NIBAN1: variants seen among roughly 807,000 people sequenced by gnomAD.
The protein encoded by NIBAN1 is protein Niban 1.
NIBAN1 carries 81 observed loss-of-function variants against 75.1 expected under a neutral mutation model. The ratio of observed to expected loss-of-function variants is 1.08; its 90% CI spans 0.90 to 1.30. NIBAN1 has a LOEUF of 1.30. Among genes scored for constraint, NIBAN1 ranks in the 50% most tolerant of loss-of-function variants. The pLI is 0.00. For synonymous variants in NIBAN1, 436 were observed against 424.8 expected (o/e 1.03, Z -0.32); for missense variants, 1,133 against 1,128.1 (o/e 1.00, Z -0.06).
At chr1:184,823,825 G>A (rs1654772514) in intron 6 of NIBAN1, 83 bp from the exon 7 acceptor site, 1 of 1,148,780 alleles carries the variant, frequency 8.7e-7, no homozygotes, top group South Asian at 1.3e-5. Context: ...TGTCCTGATT[G>A]GCTGTCCCTG....
intron 1 of NIBAN1, among the ~76,000 whole-genome samples, chr1:184,960,810 A>C (rs1489954994): frequency 7.9e-5 from 12 of 151,996 alleles, no homozygotes; most frequent in Non-Finnish European, 1.5e-4. Flanking sequence ...TTGTATTTTT[A>C]GTAGAGACAG....
intron 9 of NIBAN1, among the ~76,000 whole-genome samples, chr1:184,809,511 GA>G (rs772699711): frequency 1.8e-4 from 28 of 151,890 alleles, no homozygotes; most frequent in Admixed American, 1.8e-3. Flanking sequence ...AAATGCAATG[GA>G]AACATTTTTT....
At chr1:184,912,130 C>T (rs1657257797) in intron 1 of NIBAN1, among the ~76,000 whole-genome samples, 1 of 152,058 alleles carries the variant, frequency 6.6e-6, no homozygotes, top group South Asian at 2.1e-4. Context: ...TTTTCACTCA[C>T]ATTATGATAT....
At chr1:184,903,544 AG>A (rs1657008051) in intron 1 of NIBAN1, among the ~76,000 whole-genome samples, 1 of 151,872 alleles carries the variant, frequency 6.6e-6, no homozygotes, top group African/African-American at 2.4e-5. Flanking sequence ...AGTTCACATG[AG>A]AGCTGGTTGT....
intron 1 of NIBAN1, among the ~76,000 whole-genome samples, chr1:184,949,171 G>A (rs1410302866): frequency 6.6e-6 from 1 of 151,998 alleles, no homozygotes; most frequent in Non-Finnish European, 1.5e-5. Context: ...GGCTAACACG[G>A]TGAAACCCCA....
intron 1 of NIBAN1, among the ~76,000 whole-genome samples, chr1:184,966,796 C>A (rs966736988): frequency 1.3e-4 from 20 of 152,174 alleles, no homozygotes; most frequent in South Asian, 1.2e-3. Flanking sequence ...AGAAAAAAAA[C>A]CACATGGTTT....
intron 1 of NIBAN1, among the ~76,000 whole-genome samples, chr1:184,903,004 C>G (rs903890229): frequency 1.3e-5 from 2 of 152,230 alleles, no homozygotes; most frequent in African/African-American, 2.4e-5. Context: ...GATCAGCCCA[C>G]AGGGGCCACA....
chr1:184,803,478 A>G, intron 12 of NIBAN1, 107 bp downstream of exon 12: 1 of 805,358 alleles, frequency 1.2e-6, no homozygotes. Flanking sequence ...ATGTCTGCCA[A>G]TCCCTCCCTG....
At chr1:184,952,545 C>T (rs1658385044) in intron 1 of NIBAN1, among the ~76,000 whole-genome samples, 1 of 152,148 alleles carries the variant, frequency 6.6e-6, no homozygotes, top group South Asian at 2.1e-4. Flanking sequence ...AATATGCTAA[C>T]ACTAAGGATA....
At chr1:184,809,187 G>A (rs1330658265) in intron 9 of NIBAN1, among the ~76,000 whole-genome samples, 2 of 152,250 alleles carry the variant, frequency 1.3e-5, no homozygotes, top group East Asian at 3.9e-4. Flanking sequence ...AATTTTAAGA[G>A]GGCCCACTCT....
chr1:184,938,328 G>A (rs1394280344), intron 1 of NIBAN1, among the ~76,000 whole-genome samples: 1 of 152,038 alleles, frequency 6.6e-6, no homozygotes, highest in Non-Finnish European at 1.5e-5. Context: ...TTTAGTGGGG[G>A]GTTGTTTGTG....
intron 1 of NIBAN1, among the ~76,000 whole-genome samples, chr1:184,968,461 G>A (rs1571613629): frequency 1.3e-5 from 2 of 152,158 alleles, no homozygotes; most frequent in East Asian, 3.9e-4. Flanking sequence ...AAAATATAAA[G>A]TGATCAATAT....
chr1:184,917,158 G>A (rs922918684), intron 1 of NIBAN1, among the ~76,000 whole-genome samples: 38 of 151,350 alleles, frequency 2.5e-4, no homozygotes, highest in Non-Finnish European at 4.6e-4. Flanking sequence ...TGGACTCATT[G>A]CTGTTCAGCA....
chr1:184,916,406 A>G (rs1220153271), intron 1 of NIBAN1, among the ~76,000 whole-genome samples: 1 of 152,204 alleles, frequency 6.6e-6, no homozygotes, highest in East Asian at 1.9e-4. Context: ...TTTAATTGTA[A>G]CAGGTACATG....
intron 9 of NIBAN1, among the ~76,000 whole-genome samples, chr1:184,810,018 GC>G (rs944218994): frequency 1.3e-5 from 2 of 152,112 alleles, no homozygotes; most frequent in African/African-American, 4.8e-5. Context: ...AACACGAGTT[GC>G]TTGAGGGGAG....
intron 1 of NIBAN1, among the ~76,000 whole-genome samples, chr1:184,960,772 G>A (rs142828661): frequency 3.5e-4 from 54 of 152,248 alleles, no homozygotes; most frequent in Non-Finnish European, 7.4e-4. Context: ...GGGACTATAG[G>A]CACGTGTGCC....
At chr1:184,842,919 A>G (rs1456484519) in intron 5 of NIBAN1, among the ~76,000 whole-genome samples, 1 of 152,046 alleles carries the variant, frequency 6.6e-6, no homozygotes, top group African/African-American at 2.4e-5. Flanking sequence ...AAAAAATGAC[A>G]CAAAAGCAAA....
intron 5 of NIBAN1, among the ~76,000 whole-genome samples, chr1:184,838,384 C>T (rs1655195164): frequency 6.6e-6 from 1 of 152,100 alleles, no homozygotes; most frequent in East Asian, 1.9e-4. Context: ...CTCAACGATA[C>T]AAAAACATTC....
In NIBAN1 at chr1:184,834,072, T is replaced by C. The variant is rs541559846; in HGVS notation, c.602-2110A>G. Among the ~76,000 whole-genome samples the C allele has an allele frequency of 1.2e-3, 170 of 145,588 alleles. 3 individuals are homozygous for C. The South Asian group carries it at 0.04, about 34-fold the overall frequency. On this transcript the variant is annotated intron_variant, in intron 5 of 13. Coordinates refer to ENST00000367511, the MANE Select transcript of NIBAN1 (RefSeq NM_052966.4). ...CCCACCCTGTGTGCAAGTGTTCTCA[T>C]TGTTCAATTCCCACCTATGAGTGAG...
Sources: gnomAD v4.1 joint callset for allele counts (sites outside exome capture counted in the v4.1 genomes callset) on GRCh38, gnomAD v4.1.1 for gene constraint, MANE v1.5 for transcripts, NCBI Gene and HGNC (gene_info 2026-07-23, HGNC 2026-07-21) for gene names.